PRMT3: variants seen among roughly 807,000 people sequenced by gnomAD.
PRMT3 encodes protein arginine methyltransferase 3, also known as protein arginine N-methyltransferase 3.
A neutral mutation model predicts 71.9 loss-of-function variants in PRMT3; 62 were observed. The observed-to-expected ratio is 0.86, with a 90% CI of 0.70 to 1.07. The LOEUF (loss-of-function observed/expected upper bound fraction) is 1.07. PRMT3 is among the 50% of genes least tolerant of loss of function. The pLI is 0.00. For synonymous variants in PRMT3, 213 were observed against 220.4 expected (o/e 0.97, Z 0.30); for missense variants, 663 against 643.0 (o/e 1.03, Z -0.34).
At chr11:20,478,032 C>T (rs1289234885) in intron 13 of PRMT3, among the ~76,000 whole-genome samples, 1 of 152,184 alleles carries the variant, frequency 6.6e-6, no homozygotes, top group Non-Finnish European at 1.5e-5. Flanking sequence ...ACTACATGGG[C>T]CCTAGCATTG....
chr11:20,472,816 T>C (rs879657207), intron 13 of PRMT3, among the ~76,000 whole-genome samples: 1 of 137,480 alleles, frequency 7.3e-6, no homozygotes, highest in Admixed American at 8.9e-5. Flanking sequence ...TTTGTACCTC[T>C]GGTAGAATTA....
At chr11:20,400,328 G>A (rs1848920914) in intron 7 of PRMT3, among the ~76,000 whole-genome samples, 2 of 152,054 alleles carry the variant, frequency 1.3e-5, no homozygotes. Context: ...TTAAATAAAA[G>A]TAGCTTGTGA....
intron 15 of PRMT3, 66 bp from the exon 16 acceptor site, chr11:20,508,238 C>T: frequency 1.2e-6 from 1 of 802,218 alleles, no homozygotes; most frequent in South Asian, 1.7e-5. Flanking sequence ...GCTAGTTATA[C>T]ATTGTTTACT....
chr11:20,474,751 A>T (rs1850738500), intron 13 of PRMT3, among the ~76,000 whole-genome samples: 1 of 152,206 alleles, frequency 6.6e-6, no homozygotes, highest in African/African-American at 2.4e-5. Flanking sequence ...CAGCATTTAG[A>T]CAAAAAGTTC....
Position 20,392,359 on chromosome 11 carries a change from A to AT in PRMT3, c.297+101dup, listed in dbSNP as rs1848733210. On this transcript the variant is annotated intron_variant, in intron 4 of 15. Transcript: ENST00000331079. ...TATTTAAAAGAATATGAGGAACTGCATTAAATTTGGTACTCATCATATTGG... is the reference window on the plus strand; with the variant it reads ...TATTTAAAAGAATATGAGGAACTGCATTTAAATTTGGTACTCATCATATTGG... The AT allele has an allele frequency of 1.8e-5, 23 of 1,286,940 alleles. 2 individuals carry two copies. In the South Asian group the frequency reaches 3.3e-4, roughly 18 times the overall value. The allele number at this position is 1,286,940 out of a possible 1,614,324, so 79.7% of individuals were successfully genotyped here. A position where few individuals can be genotyped will look rare whatever the true frequency, so the allele number is the denominator to read the frequency against.
intron 15 of PRMT3, among the ~76,000 whole-genome samples, chr11:20,507,704 C>T (rs1329748102): frequency 2.6e-5 from 4 of 151,846 alleles, no homozygotes; most frequent in Non-Finnish European, 4.4e-5. Context: ...CACTTGAACA[C>T]GGGAGGCAGA....
At chr11:20,409,438 G>C (rs1849144950) in intron 9 of PRMT3, among the ~76,000 whole-genome samples, 1 of 152,140 alleles carries the variant, frequency 6.6e-6, no homozygotes, top group Non-Finnish European at 1.5e-5. Flanking sequence ...CTGTTGCCCA[G>C]CACATAGTAA....
chr11:20,433,222 G>A (rs1177844713), intron 10 of PRMT3, among the ~76,000 whole-genome samples: 1 of 151,818 alleles, frequency 6.6e-6, no homozygotes, highest in Admixed American at 6.6e-5. Context: ...CTACCCTCAA[G>A]TAGGCCCCAG....
At chr11:20,504,751 A>AGAGAGAGAGAGAGAGAGAGAGAGAGAGC (rs1851550089) in intron 15 of PRMT3, among the ~76,000 whole-genome samples, 1 of 149,250 alleles carries the variant, frequency 6.7e-6, no homozygotes, top group African/African-American at 2.5e-5. Flanking sequence ...AGAGAGCGAG[A>AGAGAGAGAGAGAGAGAGAGAGAGAGAGC]GCGACTGAGA....
intron 8 of PRMT3, 131 bp from the exon 9 acceptor site, chr11:20,407,780 C>T (rs1384512788): frequency 1.3e-5 from 12 of 919,934 alleles, no homozygotes; most frequent in African/African-American, 3.4e-5. Flanking sequence ...TGAGCCACCG[C>T]GCCTGGCCAG....
chr11:20,426,167 G>A (rs1362573895), intron 9 of PRMT3, among the ~76,000 whole-genome samples: 2 of 152,222 alleles, frequency 1.3e-5, no homozygotes, highest in African/African-American at 4.8e-5. Context: ...AACACTTAAT[G>A]TTTTGTTGTT....
chr11:20,454,549 A>G (rs1409118974), intron 11 of PRMT3, among the ~76,000 whole-genome samples: 1 of 152,190 alleles, frequency 6.6e-6, no homozygotes, highest in Non-Finnish European at 1.5e-5. Context: ...GTGCTGTTGA[A>G]TCTTATTTGT....
At chr11:20,415,502 G>A (rs1452053722) in intron 9 of PRMT3, among the ~76,000 whole-genome samples, 1 of 145,438 alleles carries the variant, frequency 6.9e-6, no homozygotes. Context: ...AGGCAAAGAG[G>A]TCACAGGCAG....
At chr11:20,397,952 T>C (rs943187478) in intron 7 of PRMT3, among the ~76,000 whole-genome samples, 2 of 150,248 alleles carry the variant, frequency 1.3e-5, no homozygotes, top group Admixed American at 6.6e-5. Context: ...GGCAGGAGGA[T>C]TGCTTGAGCC....
chr11:20,390,294 A>G (rs879931577), intron 3 of PRMT3, among the ~76,000 whole-genome samples: 14 of 152,244 alleles, frequency 9.2e-5, no homozygotes, highest in Non-Finnish European at 1.8e-4. Flanking sequence ...GAAAAGATGA[A>G]TAAGTCACTC....
chr11:20,468,075 T>C (rs1850554736), intron 13 of PRMT3, among the ~76,000 whole-genome samples: 2 of 152,158 alleles, frequency 1.3e-5, no homozygotes, highest in South Asian at 4.1e-4. Flanking sequence ...TTGTTTCCCC[T>C]TTATAGTTAG....
Position 20,419,089 on chromosome 11 carries a change from T to G in PRMT3, c.894-7677T>G, listed in dbSNP as rs7948541. ...CTTAGGGTATACATATCTTCAAATT[T>G]CCTAGATATTGCCAGACTATTTTCC... On this transcript the variant is annotated intron_variant, in intron 9 of 15. Transcript: ENST00000331079. Among the ~76,000 whole-genome samples the G allele has an allele frequency of 9.4e-3, 1,434 of 152,336 alleles. 18 individuals are homozygous for G. Among genetic ancestry groups the G allele is most frequent in the African/African-American group, 0.033 (1,366 of 41,570 alleles).
At chr11:20,469,254 C>T (rs948066635) in intron 13 of PRMT3, among the ~76,000 whole-genome samples, 21 of 152,066 alleles carry the variant, frequency 1.4e-4, no homozygotes, top group African/African-American at 2.9e-4. Context: ...AAAGCAAAAG[C>T]GGTAAGACTA....
chr11:20,398,012 T>TAAA lies in PRMT3; in HGVS notation c.705+310_705+312dup, dbSNP rs11424785. ...AATACAGTGAGACCCTGTCTCTATT[T>TAAA]AAAAAAAAAAAAAAAAAAAAAGATT... is the stretch of plus-strand genomic sequence containing the variant. On this transcript the variant is annotated intron_variant, in intron 7 of 15. Transcript: ENST00000331079. Among the ~76,000 whole-genome samples, 136 of 121,662 alleles carry TAAA rather than the reference T, an allele frequency of 1.1e-3. 1 individual carries two copies. The highest frequency in any genetic ancestry group is 8.8e-3 in the Middle Eastern group (2 of 228). The allele number at this position is 121,662 out of a possible 152,430, so 79.8% of individuals were successfully genotyped here. A position where few individuals can be genotyped will look rare whatever the true frequency, so the allele number is the denominator to read the frequency against.
Sources: gnomAD v4.1 joint callset for allele counts (sites outside exome capture counted in the v4.1 genomes callset) on GRCh38, gnomAD v4.1.1 for gene constraint, MANE v1.5 for transcripts, NCBI Gene and HGNC (gene_info 2026-07-23, HGNC 2026-07-21) for gene names.